SCMH1: variants seen among roughly 807,000 people sequenced by gnomAD.
SCMH1 encodes polycomb protein SCMH1.
Under a neutral mutation model 70.8 loss-of-function variants are expected in SCMH1, and 37 were observed. The ratio of observed to expected loss-of-function variants is 0.52; its 90% CI spans 0.40 to 0.69. The LOEUF (loss-of-function observed/expected upper bound fraction) is 0.69, where lower values mean the gene tolerates loss of function less well. Among genes scored for constraint, SCMH1 ranks in the 30% least tolerant of loss-of-function variants. The pLI, the probability that SCMH1 is intolerant of heterozygous loss-of-function variation, is 0.00. For synonymous variants in SCMH1, 292 were observed against 307.4 expected (o/e 0.95, Z 0.52); for missense variants, 607 against 827.3 (o/e 0.73, Z 3.27).
At chr1:41,058,375 C>CTTTT (rs1252087982) in intron 10 of SCMH1, among the ~76,000 whole-genome samples, 5 of 38,996 alleles carry the variant, frequency 1.3e-4, no homozygotes, top group African/African-American at 6.0e-4. Context: ...CATTTTCTTT[C>CTTTT]TTGTTTTTTT....
chr1:41,217,104 A>G (rs148972808), intron 1 of SCMH1, among the ~76,000 whole-genome samples: 60 of 152,330 alleles, frequency 3.9e-4, no homozygotes, highest in African/African-American at 1.3e-3. Flanking sequence ...GAAAAAGTCT[A>G]AATTTCCTTG....
At chr1:41,241,462 G>C (rs1215064018) in intron 1 of SCMH1, among the ~76,000 whole-genome samples, 1 of 151,908 alleles carries the variant, frequency 6.6e-6, no homozygotes, top group Admixed American at 6.5e-5. Flanking sequence ...CCCCCAGGAC[G>C]CTGCTGACAG....
intron 8 of SCMH1, among the ~76,000 whole-genome samples, chr1:41,095,798 C>G (rs1263008321): frequency 6.6e-6 from 1 of 152,000 alleles, no homozygotes; most frequent in African/African-American, 2.4e-5. Context: ...GAGAAAAATG[C>G]TTAAGTAAGT....
chr1:41,086,029 T>G (rs564295351), intron 8 of SCMH1, among the ~76,000 whole-genome samples: 1 of 151,830 alleles, frequency 6.6e-6, no homozygotes, highest in Admixed American at 6.6e-5. Flanking sequence ...TTAGTAGAGA[T>G]AGGGTTTCAC....
intron 8 of SCMH1, among the ~76,000 whole-genome samples, chr1:41,080,252 G>A (rs1659594486): frequency 6.6e-6 from 1 of 151,852 alleles, no homozygotes; most frequent in Non-Finnish European, 1.5e-5. Flanking sequence ...TTTCCACAAA[G>A]AAAATCCCAG....
chr1:41,105,261 G>C (rs769446896), intron 8 of SCMH1, among the ~76,000 whole-genome samples: 1 of 152,044 alleles, frequency 6.6e-6, no homozygotes, highest in Admixed American at 6.6e-5. Context: ...ACTGTGCCTG[G>C]CCTTAAATAG....
chr1:41,224,523 G>T (rs1251551617), intron 1 of SCMH1, among the ~76,000 whole-genome samples: 3 of 152,158 alleles, frequency 2.0e-5, no homozygotes, highest in Non-Finnish European at 2.9e-5. Flanking sequence ...CAGGGTGGAG[G>T]CTAGAAAAGG....
intron 12 of SCMH1, among the ~76,000 whole-genome samples, chr1:41,042,897 C>A (rs575448475): frequency 4.7e-4 from 72 of 151,784 alleles, no homozygotes; most frequent in African/African-American, 1.7e-3. Context: ...ATGCCAATGT[C>A]ACGTCGTGAA....
chr1:41,159,570 G>A (rs189542427), intron 4 of SCMH1, among the ~76,000 whole-genome samples: 1 of 152,202 alleles, frequency 6.6e-6, no homozygotes, highest in East Asian at 1.9e-4. Context: ...TCACAAAACT[G>A]GTAAGTGGGA....
chr1:41,028,900 C>T (rs1478443646), intron 13 of SCMH1, among the ~76,000 whole-genome samples, 174 bp from the exon 15 acceptor site: 1 of 152,150 alleles, frequency 6.6e-6, no homozygotes, highest in Non-Finnish European at 1.5e-5. Flanking sequence ...AAAGGGAAAG[C>T]CAAATCTTTG....
intron 6 of SCMH1, among the ~76,000 whole-genome samples, chr1:41,119,336 G>C (rs1387677124): frequency 6.6e-6 from 1 of 151,808 alleles, no homozygotes; most frequent in East Asian, 1.9e-4. Context: ...GATTTCTTGG[G>C]ACAGCCCATC....
intron 1 of SCMH1, among the ~76,000 whole-genome samples, chr1:41,219,515 T>C (rs1658784248): frequency 6.6e-6 from 1 of 152,186 alleles, no homozygotes; most frequent in Admixed American, 6.5e-5. Flanking sequence ...GGGTGGTTGG[T>C]GTCAGAACTG....
At chr1:41,118,740 C>T (rs2147925256) in intron 6 of SCMH1, among the ~76,000 whole-genome samples, 1 of 152,306 alleles carries the variant, frequency 6.6e-6, no homozygotes, top group Non-Finnish European at 1.5e-5. Context: ...TTAGGTCTTC[C>T]AATTAGAGCC....
intron 6 of SCMH1, 64 bp from the exon 7 acceptor site, chr1:41,117,074 GGCAAGCCACCCAGGT>G: frequency 4.8e-6 from 7 of 1,464,848 alleles, no homozygotes; most frequent in Non-Finnish European, 6.5e-6. Flanking sequence ...TGATGTGGGT[GGCAAGCCACCCAGGT>G]GCCGAGGCAA....
chr1:41,207,495 C>A (rs1416048180), intron 1 of SCMH1, among the ~76,000 whole-genome samples: 3 of 152,170 alleles, frequency 2.0e-5, no homozygotes, highest in African/African-American at 7.2e-5. Context: ...AGCTAACTAT[C>A]CTAAATATAT....
intron 5 of SCMH1, among the ~76,000 whole-genome samples, chr1:41,150,307 A>C (rs1279440914): frequency 1.3e-5 from 2 of 152,106 alleles, no homozygotes; most frequent in Non-Finnish European, 2.9e-5. Context: ...GCTGGAGACC[A>C]GCCTGGCCAA....
intron 1 of SCMH1, among the ~76,000 whole-genome samples, chr1:41,231,329 A>G (rs971158602): frequency 2.6e-5 from 4 of 152,224 alleles, no homozygotes; most frequent in Admixed American, 6.5e-5. Context: ...TTATGAAGAA[A>G]TATGTTTTAA....
chr1:41,160,054 C>A (rs1373979337), intron 4 of SCMH1: 2 of 245,322 alleles, frequency 8.2e-6, no homozygotes, highest in Non-Finnish European at 7.7e-6. Context: ...GTTCTGACTC[C>A]TAGTCTAGTG....
chr1:41,206,432 A>C (rs1655560029), intron 1 of SCMH1, among the ~76,000 whole-genome samples: 1 of 152,242 alleles, frequency 6.6e-6, no homozygotes, highest in Admixed American at 6.5e-5. Context: ...GACCAAGTGG[A>C]AGAAAGGATA....
Sources: allele counts gnomAD v4.1 joint callset (sites outside exome capture counted in the v4.1 genomes callset), GRCh38; gene constraint gnomAD v4.1.1; transcripts MANE v1.5; gene names NCBI Gene and HGNC (gene_info 2026-07-23, HGNC 2026-07-21).